Variants in PDE4D observed in about 807,000 individuals in gnomAD.
PDE4D encodes phosphodiesterase 4D.
Under a neutral mutation model 87.4 loss-of-function variants are expected in PDE4D, and 24 were observed. That is an observed-to-expected ratio of 0.27 (90% CI 0.20 to 0.39). The LOEUF (loss-of-function observed/expected upper bound fraction) is 0.39, where lower values mean the gene tolerates loss of function less well. PDE4D is among the 10% of genes least tolerant of loss of function. PDE4D has a pLI of 1.00. For synonymous variants in PDE4D, 384 were observed against 383.2 expected (o/e 1.00, Z -0.02); for missense variants, 714 against 1,041.0 (o/e 0.69, Z 4.32).
At chr5:59,400,294 T>A (rs1216201993) in intron 1 of PDE4D, among the ~76,000 whole-genome samples, 2 of 103,048 alleles carry the variant, frequency 1.9e-5, no homozygotes, top group South Asian at 3.8e-4. Flanking sequence ...GTATGTTTAT[T>A]GCGGCATTAT....
intron 1 of PDE4D, among the ~76,000 whole-genome samples, chr5:60,299,970 G>C (rs536383889): frequency 6.6e-6 from 1 of 152,224 alleles, no homozygotes; most frequent in South Asian, 2.1e-4. Context: ...TTGAGGAATC[G>C]CCACACTGTC....
At chr5:60,351,019 C>A (rs976381597) in intron 1 of PDE4D, among the ~76,000 whole-genome samples, 1 of 152,148 alleles carries the variant, frequency 6.6e-6, no homozygotes, top group East Asian at 1.9e-4. Context: ...ATAAAAAGGT[C>A]TCAGGTGCCG....
At chr5:60,140,838 G>A (rs1321406361) in intron 2 of PDE4D, among the ~76,000 whole-genome samples, 1 of 152,104 alleles carries the variant, frequency 6.6e-6, no homozygotes. Context: ...TTCGAGAATA[G>A]TTTAAAAATT....
At chr5:59,857,553 T>C (rs1158615823) in intron 1 of PDE4D, among the ~76,000 whole-genome samples, 2 of 150,420 alleles carry the variant, frequency 1.3e-5, no homozygotes, top group African/African-American at 5.0e-5. Context: ...CCAGGTTTAT[T>C]TCCCTGATGA....
intron 1 of PDE4D, among the ~76,000 whole-genome samples, chr5:59,835,666 G>C (rs1343766415): frequency 2.0e-5 from 3 of 152,000 alleles, no homozygotes; most frequent in Non-Finnish European, 2.9e-5. Context: ...ACTTGAAACA[G>C]AGCATGGAGC....
In PDE4D at chr5:60,182,162, G is replaced by A. The variant is rs577895561; in HGVS notation, c.42+3395C>T. 1.3e-4 allele frequency among the ~76,000 whole-genome samples: 20 copies of A among 152,280 alleles called. No homozygotes were observed. The South Asian group carries it at 3.7e-3, about 28-fold the overall frequency. ...ATAAAATAAGCAAACTAAGAATAGT[G>A]AAGAAAGGGGAAAATCATTTTCAGT... On this transcript the variant is annotated intron_variant, in intron 2 of 16. Transcript: ENST00000502484.
At chr5:59,303,160 T>C (rs190465662) in intron 1 of PDE4D, among the ~76,000 whole-genome samples, 1 of 152,366 alleles carries the variant, frequency 6.6e-6, no homozygotes, top group East Asian at 1.9e-4. Flanking sequence ...CATTTTTTCA[T>C]ATGTTTGCTT....
intron 1 of PDE4D, among the ~76,000 whole-genome samples, chr5:60,283,608 G>C (rs952850373): frequency 2.6e-5 from 4 of 152,144 alleles, no homozygotes; most frequent in Admixed American, 6.5e-5. Context: ...TACAATTACT[G>C]CGAAGTTACA....
intron 5 of PDE4D, among the ~76,000 whole-genome samples, chr5:59,129,818 T>C (rs993126092): frequency 1.2e-4 from 18 of 152,140 alleles, no homozygotes; most frequent in South Asian, 4.1e-4. Flanking sequence ...CTTGCTACTA[T>C]ATAATTTCAA....
At chr5:60,131,590 G>A (rs144212337) in intron 2 of PDE4D, among the ~76,000 whole-genome samples, 1 of 152,280 alleles carries the variant, frequency 6.6e-6, no homozygotes, top group Non-Finnish European at 1.5e-5. Flanking sequence ...GATGAGATTT[G>A]CAAGGCCTAG....
At chr5:60,086,941 A>G (rs903235258) in intron 2 of PDE4D, among the ~76,000 whole-genome samples, 1 of 152,216 alleles carries the variant, frequency 6.6e-6, no homozygotes, top group Non-Finnish European at 1.5e-5. Flanking sequence ...CATTCAAGCA[A>G]AGGCCCAAAT....
chr5:60,304,651 C>CAAAAAAAAA (rs70975379), intron 1 of PDE4D, among the ~76,000 whole-genome samples: 1 of 60,064 alleles, frequency 1.7e-5, no homozygotes. Context: ...GACTCCGTCT[C>CAAAAAAAAA]AAAAAAAAAA....
chr5:59,026,028 T>C (rs1184854025), intron 6 of PDE4D, among the ~76,000 whole-genome samples: 1 of 152,254 alleles, frequency 6.6e-6, no homozygotes, highest in Non-Finnish European at 1.5e-5. Context: ...CAGAATACTC[T>C]CTGACAGGCA....
intron 1 of PDE4D, among the ~76,000 whole-genome samples, chr5:59,652,955 C>T (rs1743749915): frequency 6.6e-6 from 1 of 152,058 alleles, no homozygotes; most frequent in Admixed American, 6.6e-5. Flanking sequence ...AGCACATAAA[C>T]TGAACTTATC....
chr5:60,052,062 A>G (rs1194572124), intron 2 of PDE4D, among the ~76,000 whole-genome samples: 1 of 152,192 alleles, frequency 6.6e-6, no homozygotes, highest in East Asian at 1.9e-4. Context: ...CTTACCAATC[A>G]TAAAAGGCCC....
At chr5:59,094,197 A>AC (rs1458029615) in intron 5 of PDE4D, among the ~76,000 whole-genome samples, 1 of 137,166 alleles carries the variant, frequency 7.3e-6, no homozygotes, top group African/African-American at 2.8e-5. Flanking sequence ...CAGCCTGGTG[A>AC]CAGAGCAAGA....
At chr5:59,423,229 A>T (rs192773426) in intron 1 of PDE4D, among the ~76,000 whole-genome samples, 5 of 152,322 alleles carry the variant, frequency 3.3e-5, no homozygotes, top group African/African-American at 1.2e-4. Context: ...CTCAGGCCTC[A>T]TCATCCCCAG....
intron 1 of PDE4D, among the ~76,000 whole-genome samples, chr5:60,432,889 GA>G (rs1245927037): frequency 6.6e-6 from 1 of 152,178 alleles, no homozygotes; most frequent in African/African-American, 2.4e-5. Flanking sequence ...GCCAAAGACT[GA>G]AACTGGACAG....
At chr5:60,314,077 G>A (rs904881896) in intron 1 of PDE4D, among the ~76,000 whole-genome samples, 6 of 151,670 alleles carry the variant, frequency 4.0e-5, no homozygotes, top group East Asian at 1.9e-4. Context: ...CACAATACTC[G>A]AACTCCTAGC....
Sources: gnomAD v4.1 joint callset for allele counts (sites outside exome capture counted in the v4.1 genomes callset) on GRCh38, gnomAD v4.1.1 for gene constraint, MANE v1.5 for transcripts, NCBI Gene and HGNC (gene_info 2026-07-23, HGNC 2026-07-21) for gene names.